Variants in TTC3 observed in about 807,000 individuals in gnomAD.
TTC3 encodes tetratricopeptide repeat domain 3.
Under a neutral mutation model 249.6 loss-of-function variants are expected in TTC3, and 180 were observed. The ratio of observed to expected loss-of-function variants is 0.72; its 90% CI spans 0.64 to 0.82. TTC3 has a LOEUF of 0.82. TTC3 is among the 40% of genes least tolerant of loss of function. The pLI is 0.00. For missense variants in TTC3, 2,061 were observed against 2,398.4 expected (o/e 0.86, Z 2.94); for synonymous variants, 717 against 805.0 (o/e 0.89, Z 1.85).
chr21:37,166,504 G>A (rs1430144984), exon 33 of TTC3: 3 of 1,614,078 alleles, frequency 1.9e-6, no homozygotes, highest in African/African-American at 2.7e-5. Flanking sequence ...TCCTGAGTGA[G>A]TCTAACAGAA....
chr21:37,153,188 T>C, exon 27 of TTC3: 1 of 1,614,138 alleles, frequency 6.2e-7, no homozygotes, highest in Non-Finnish European at 8.5e-7. Context: ...AATAACAGAG[T>C]AAAGACAAGA....
chr21:37,126,128 T>A (rs1443124181), exon 15 of TTC3: 1 of 1,611,696 alleles, frequency 6.2e-7, no homozygotes, highest in Non-Finnish European at 8.5e-7. Flanking sequence ...TCATCCTGAA[T>A]TTTCACCACC....
intron 28 of TTC3, chr21:37,159,414 G>T: frequency 3.1e-6 from 1 of 321,172 alleles, no homozygotes; most frequent in Non-Finnish European, 5.6e-6. Context: ...ATCAATGGTA[G>T]GGACTGTCTT....
intron 31 of TTC3, among the ~76,000 whole-genome samples, chr21:37,163,417 C>G (rs186306269): frequency 1.3e-5 from 2 of 152,316 alleles, no homozygotes; most frequent in African/African-American, 4.8e-5. Flanking sequence ...ATGGCGTGAT[C>G]TCAGCTCACT....
At chr21:37,201,570 G>C (rs778930226) in exon 46 of TTC3, 7 of 1,613,474 alleles carry the variant, frequency 4.3e-6, no homozygotes, top group Non-Finnish European at 5.1e-6. Flanking sequence ...TGCTCTTCTA[G>C]GTAGTCACAC....
chr21:37,119,286 T>C (rs931932307), intron 11 of TTC3, among the ~76,000 whole-genome samples: 3 of 152,188 alleles, frequency 2.0e-5, no homozygotes, highest in African/African-American at 7.2e-5. Flanking sequence ...GAAGCAAAAC[T>C]TTTCTGAGTA....
At chr21:37,159,058 A>T (rs932915827) in intron 28 of TTC3, among the ~76,000 whole-genome samples, 2 of 152,182 alleles carry the variant, frequency 1.3e-5, no homozygotes, top group Non-Finnish European at 2.9e-5. Context: ...TTTTAATTGC[A>T]GATTAAGTTC....
exon 12 of TTC3, chr21:37,121,827 G>T (rs1165884000): frequency 6.3e-7 from 1 of 1,590,434 alleles, no homozygotes; most frequent in Non-Finnish European, 8.5e-7. Context: ...GGTCATTATC[G>T]TTATTGTGAT....
chr21:37,154,094 A>G (rs2079755483), intron 27 of TTC3, among the ~76,000 whole-genome samples: 1 of 152,254 alleles, frequency 6.6e-6, no homozygotes, highest in African/African-American at 2.4e-5. Flanking sequence ...AACACGAGGT[A>G]GGGATGCTTT....
intron 11 of TTC3, among the ~76,000 whole-genome samples, chr21:37,110,220 C>T (rs968631225): frequency 1.1e-4 from 16 of 152,148 alleles, no homozygotes; most frequent in African/African-American, 3.4e-4. Flanking sequence ...ATGACTTTGA[C>T]GAGTTGAGAG....
chr21:37,153,422 C>T, intron 27 of TTC3, 145 bp downstream of exon 27: 1 of 813,870 alleles, frequency 1.2e-6, no homozygotes, highest in Non-Finnish European at 1.8e-6. Flanking sequence ...CTTTTCCAGT[C>T]CCAGCTACTT....
chr21:37,094,066 T>C lies in TTC3; in HGVS notation c.663T>C (p.Thr221=), dbSNP rs929987205. Reference sequence around the variant, plus strand: ...GCAATTTGCTTGAAGAACTTAAAACTCAAAGTTGTATGGATTGTATAGAGG... The same window carrying C: ...GCAATTTGCTTGAAGAACTTAAAACCCAAAGTTGTATGGATTGTATAGAGG... Residue 221 remains threonine, a synonymous_variant, in exon 8 of 46, where the codon ACT becomes ACC. Coordinates refer to ENST00000355666, the Ensembl canonical transcript of TTC3. 1.9e-6 allele frequency: 3 copies of C among 1,606,018 alleles called. No individual in the cohort carries two copies. The Admixed American group carries it at 5.0e-5, about 27-fold the overall frequency.
intron 32 of TTC3, among the ~76,000 whole-genome samples, chr21:37,164,721 G>A (rs1342039526): frequency 1.3e-5 from 2 of 152,154 alleles, no homozygotes; most frequent in Non-Finnish European, 2.9e-5. Flanking sequence ...ACTGAGTGGG[G>A]TGGATAAAAC....
chr21:37,097,752 A>C (rs954950877), intron 10 of TTC3, among the ~76,000 whole-genome samples: 1 of 152,160 alleles, frequency 6.6e-6, no homozygotes, highest in Non-Finnish European at 1.5e-5. Flanking sequence ...GGGTTTCACA[A>C]ATACTTTTTT....
In TTC3 at chr21:37,192,229, CTTTTT is replaced by C; in HGVS notation, c.5217+26_5217+30del. The C allele has an allele frequency of 8.2e-7, 1 of 1,219,528 alleles. No individual in the cohort carries two copies. The highest frequency in any genetic ancestry group is 1.1e-6 in the Non-Finnish European group (1 of 894,100). 75.5% of individuals were successfully genotyped at this position (1,219,528 alleles called of 1,614,324 possible). On this transcript the variant is annotated intron_variant, in intron 41 of 45. Transcript: ENST00000355666. ...CTGTAACACGGTAAGTCTAGCACAT[CTTTTT>C]TTTTTTTTTAAACCATAATTCATTT...
intron 34 of TTC3, among the ~76,000 whole-genome samples, chr21:37,170,676 T>C (rs2081690247): frequency 6.6e-6 from 1 of 152,208 alleles, no homozygotes; most frequent in South Asian, 2.1e-4. Context: ...ACAAGATCAA[T>C]GTCTAGTTAA....
intron 29 of TTC3, among the ~76,000 whole-genome samples, chr21:37,160,562 G>A (rs1420363313): frequency 2.0e-5 from 3 of 151,498 alleles, no homozygotes; most frequent in African/African-American, 7.3e-5. Flanking sequence ...CAACCCTGTG[G>A]AAAATAAGAT....
chr21:37,156,192 A>G (rs2080057917), intron 27 of TTC3, among the ~76,000 whole-genome samples: 1 of 126,858 alleles, frequency 7.9e-6, no homozygotes, highest in Non-Finnish European at 1.6e-5. Context: ...ATTTACCACC[A>G]TGCCTGGCTA....
chr21:37,078,703 C>T (rs2071225665), intron 1 of TTC3, among the ~76,000 whole-genome samples: 1 of 151,892 alleles, frequency 6.6e-6, no homozygotes, highest in South Asian at 2.1e-4. Context: ...TTCTGAAATT[C>T]CTTTGTGTTT....
Sources: allele counts gnomAD v4.1 joint callset (sites outside exome capture counted in the v4.1 genomes callset), GRCh38; gene constraint gnomAD v4.1.1; transcripts MANE v1.5; gene names NCBI Gene and HGNC (gene_info 2026-07-23, HGNC 2026-07-21).